Variants in PGAP6 observed in about 807,000 individuals in gnomAD.
The protein encoded by PGAP6 is post-GPI attachment to proteins 6.
In PGAP6, 62 loss-of-function variants were observed where a neutral mutation model predicts 68.4. The ratio of observed to expected loss-of-function variants is 0.91; its 90% CI spans 0.74 to 1.12. The LOEUF (loss-of-function observed/expected upper bound fraction) is 1.12. Ranked by LOEUF, PGAP6 falls within the 50% of genes most tolerant of loss-of-function variation. PGAP6 has a pLI of 0.00. For missense variants in PGAP6, 1,188 were observed against 1,068.5 expected, an observed-to-expected ratio of 1.11 and a Z score of -1.56; for synonymous variants, 575 against 474.0, an observed-to-expected ratio of 1.21 and a Z score of -2.77.
In PGAP6 at chr16:377,738, G is replaced by A. The variant is rs1188686838; in HGVS notation, c.232C>T (p.Leu78Phe). 6.3e-7 allele frequency: 1 copy of A among 1,597,660 alleles called. No individual in the cohort carries two copies. Among genetic ancestry groups the A allele is most frequent in the Non-Finnish European group, 8.5e-7 (1 of 1,172,756 alleles). Residue 78 changes from leucine to phenylalanine, a missense_variant, in exon 2 of 13, where the codon CTT becomes TTT. Leu to Phe is a conservative substitution (Grantham distance 22). Transcript: ENST00000431232. The stretch of plus-strand genomic sequence containing the variant: ...GAGACCTGCAGGAGCCAGCGTAGAA[G>A]CACAGCATCTGGGGGCACGCGGAAG... ...FRFRVPPDAV[L>F]LRWLLQVSRE...
At chr16:382,421 C>A, upstream of PGAP6, 1 of 377,190 alleles carries the variant, frequency 2.7e-6, no homozygotes, top group Non-Finnish European at 4.7e-6. Flanking sequence ...GGGCCTGAGT[C>A]AGGCGCCTCA....
At position 374,371 on chromosome 16, in the gene PGAP6, G is replaced by A. The variant is rs1378690756; in HGVS notation, c.1605C>T (p.Asn535=). 5.0e-6 allele frequency: 8 copies of A among 1,593,154 alleles called. No individual in the cohort carries two copies. The highest frequency in any genetic ancestry group is 1.3e-5 in the African/African-American group (1 of 74,724). Residue 535 remains asparagine, a synonymous_variant, in exon 10 of 13, where the codon AAC becomes AAT. Transcript: ENST00000431232. The part of the protein sequence containing the change: ...AGWRGWSCTD[N]STAQTVAQQR... ...GCTGGGCCACCGTCTGGGCTGTGCTGTTGTCCGTGCAGCTCCACCCACGCC... is the reference window on the plus strand; with the variant it reads ...GCTGGGCCACCGTCTGGGCTGTGCTATTGTCCGTGCAGCTCCACCCACGCC...
upstream of PGAP6, among the ~76,000 whole-genome samples, chr16:385,624 T>C (rs1483314982): frequency 8.0e-6 from 1 of 125,284 alleles, no homozygotes; most frequent in Non-Finnish European, 1.7e-5. Flanking sequence ...TCTGATTTTT[T>C]TTTTTTTTTT....
intron 12 of PGAP6, 76 bp from the exon 13 acceptor site, chr16:372,359 T>A: frequency 6.8e-7 from 1 of 1,473,688 alleles, no homozygotes. Flanking sequence ...ATACGGTGGT[T>A]ACTGGGGGCC....
intron 1 of PGAP6, among the ~76,000 whole-genome samples, chr16:381,183 C>T (rs957660892): frequency 6.6e-6 from 1 of 152,214 alleles, no homozygotes; most frequent in Non-Finnish European, 1.5e-5. Flanking sequence ...TCCCTCCTCC[C>T]AGAAGCCGGG....
chr16:378,018 A>G (rs906839902), intron 1 of PGAP6, among the ~76,000 whole-genome samples, 170 bp from the exon 2 acceptor site: 1 of 152,130 alleles, frequency 6.6e-6, no homozygotes, highest in East Asian at 1.9e-4. Context: ...CTGGCCCCTC[A>G]GCCAGATCCT....
chr16:381,135 G>A lies in PGAP6; in HGVS notation c.121+566C>T, dbSNP rs181774547. Among the ~76,000 whole-genome samples, 174 of 152,358 alleles carry A rather than the reference G, an allele frequency of 1.1e-3. 2 individuals are homozygous for A. Among genetic ancestry groups the A allele is most frequent in the South Asian group, 9.9e-3 (48 of 4,832 alleles). On this transcript the variant is annotated intron_variant, in intron 1 of 12. Coordinates refer to ENST00000431232, the MANE Select transcript of PGAP6 (RefSeq NM_021259.3). Reference sequence around the variant, plus strand: ...GAGTTTCCCAACAAGAGGGGAGAGGGGCGCCCTTTCCTCAGCCCCTCTTCC... The same window carrying A: ...GAGTTTCCCAACAAGAGGGGAGAGGAGCGCCCTTTCCTCAGCCCCTCTTCC...
chr16:385,902 G>T (rs147342703), upstream of PGAP6, among the ~76,000 whole-genome samples: 3,027 of 152,204 alleles, frequency 0.02, 90 homozygotes, highest in African/African-American at 0.067. Flanking sequence ...GGGATTACAG[G>T]CGTGAGCCAC....
chr16:374,550 C>G, intron 9 of PGAP6, 151 bp from the exon 10 acceptor site: 2 of 1,125,292 alleles, frequency 1.8e-6, no homozygotes, highest in Non-Finnish European at 2.4e-6. Flanking sequence ...GGAGGCAGTA[C>G]CACCCCCCGG....
chr16:375,575 CAGGCTGGA>C, intron 6 of PGAP6, 140 bp from the exon 7 acceptor site: 1 of 715,292 alleles, frequency 1.4e-6, no homozygotes, highest in South Asian at 1.8e-5. Context: ...CTCTGTCGCC[CAGGCTGGA>C]GGGCAGTGCC....
intron 5 of PGAP6, 42 bp from the exon 6 acceptor site, chr16:376,497 G>A: frequency 1.9e-6 from 3 of 1,545,560 alleles, no homozygotes; most frequent in Non-Finnish European, 2.6e-6. Flanking sequence ...AAAGTCTGGG[G>A]ATCTGGGGAG....
intron 1 of PGAP6, among the ~76,000 whole-genome samples, chr16:380,322 C>T (rs2054426069): frequency 6.6e-6 from 1 of 151,968 alleles, no homozygotes; most frequent in South Asian, 2.1e-4. Context: ...TAACTGGAAC[C>T]GCAGGCTTAC....
upstream of PGAP6, among the ~76,000 whole-genome samples, chr16:386,315 G>T (rs1238673864): frequency 3.9e-5 from 6 of 151,956 alleles, no homozygotes; most frequent in Admixed American, 3.9e-4. Context: ...CTTCCTGTGT[G>T]CAAGACTGTG....
chr16:374,191 C>T (rs1216444144), intron 10 of PGAP6, 30 bp downstream of exon 10: 9 of 1,610,538 alleles, frequency 5.6e-6, no homozygotes, highest in African/African-American at 1.3e-5. Context: ...GCCCTCCCAC[C>T]CCACATCCCT....
rs1294031504 is a variant in PGAP6 at position 371,945 on chromosome 16, G to T, written c.*42C>A. The stretch of plus-strand genomic sequence containing the variant: ...CGCCTCCCCCTCGATACAGCTCCTG[G>T]CTGAAGAGGTCATCAGAGCAGCAGC... On this transcript the variant is annotated 3_prime_UTR_variant, in exon 13 of 13. Transcript: ENST00000431232. The T allele has an allele frequency of 1.3e-6, 2 of 1,583,990 alleles. No homozygotes were observed. The highest frequency in any genetic ancestry group is 1.7e-6 in the Non-Finnish European group (2 of 1,162,504).
chr16:378,407 C>A (rs78006255), intron 1 of PGAP6, among the ~76,000 whole-genome samples: 37 of 70,288 alleles, frequency 5.3e-4, no homozygotes, highest in Admixed American at 7.6e-4. Context: ...GCCACCCGCA[C>A]TGCCATCGCC....
intron 3 of PGAP6, 76 bp from the exon 4 acceptor site, chr16:377,240 C>A: frequency 6.2e-7 from 1 of 1,603,940 alleles, no homozygotes; most frequent in Non-Finnish European, 8.5e-7. Flanking sequence ...CCAGACGCCC[C>A]CGGCATGCAG....
upstream of PGAP6, among the ~76,000 whole-genome samples, chr16:382,804 G>C (rs550103450): frequency 2.5e-3 from 381 of 152,230 alleles, 3 homozygotes; most frequent in African/African-American, 8.1e-3. Flanking sequence ...CAAAAGACGA[G>C]CCCCCGACTG....
chr16:376,504 G>T, intron 5 of PGAP6, 40 bp downstream of exon 5: 1 of 1,544,910 alleles, frequency 6.5e-7, no homozygotes, highest in Non-Finnish European at 8.7e-7. Flanking sequence ...GGGGATCTGG[G>T]GAGGGGCAGG....
Sources: gnomAD v4.1 joint callset for allele counts (sites outside exome capture counted in the v4.1 genomes callset) on GRCh38, gnomAD v4.1.1 for gene constraint, MANE v1.5 for transcripts, NCBI Gene and HGNC (gene_info 2026-07-23, HGNC 2026-07-21) for gene names.